Variants in DSCAML1 observed in about 807,000 individuals in gnomAD.
The protein encoded by DSCAML1 is DS cell adhesion molecule like 1, also known as cell adhesion molecule DSCAML1.
DSCAML1 carries 38 observed loss-of-function variants against 200.5 expected under a neutral mutation model. That is an observed-to-expected ratio of 0.19 (90% CI 0.15 to 0.25). The LOEUF (loss-of-function observed/expected upper bound fraction) is 0.25. Among genes scored for constraint, DSCAML1 ranks in the 10% least tolerant of loss-of-function variants. The pLI, the probability that DSCAML1 is intolerant of heterozygous loss-of-function variation, is 1.00. For missense variants in DSCAML1, 2,223 were observed against 2,858.8 expected, an observed-to-expected ratio of 0.78 and a Z score of 5.07; for synonymous variants, 1,215 against 1,165.0, an observed-to-expected ratio of 1.04 and a Z score of -0.87.
intron 3 of DSCAML1, among the ~76,000 whole-genome samples, chr11:117,683,350 C>A (rs928718612): frequency 1.3e-5 from 2 of 152,192 alleles, no homozygotes; most frequent in African/African-American, 4.8e-5. Context: ...CTGGACTGCA[C>A]GCCTCTAAGT....
intron 3 of DSCAML1, among the ~76,000 whole-genome samples, chr11:117,698,946 A>G (rs1373456734): frequency 1.3e-5 from 2 of 152,192 alleles, no homozygotes; most frequent in African/African-American, 4.8e-5. Flanking sequence ...CTTACGCACA[A>G]CACCGTACTC....
chr11:117,567,865 T>G (rs961753713), intron 3 of DSCAML1, among the ~76,000 whole-genome samples: 5 of 152,040 alleles, frequency 3.3e-5, no homozygotes, highest in Admixed American at 3.3e-4. Flanking sequence ...CCTCCCTAAC[T>G]CATTTTATGA....
rs768623591 is a variant in DSCAML1, at chr11:117,465,148, C to T, written c.3059G>A (p.Arg1020Gln). ...CTCTCTGTAGCCAATCTGGTAGCCC[C>T]GGATGACACCGTTCTGCAGCTCCTT... Reference protein sequence around the residue: ...PKKELQNGVIRGYQIGYRENS... With the variant: ...PKKELQNGVIQGYQIGYRENS... Residue 1020 changes from arginine to glutamine, a missense_variant, in exon 17 of 33, where the codon CGG becomes CAG. Arg to Gln is a conservative substitution (Grantham distance 43). This residue lies in a region of DSCAML1 where 438 missense variants were observed against 629.7 expected (regional missense o/e 0.70). Transcript: ENST00000651296. 23 of 1,613,842 alleles carry T rather than the reference C, an allele frequency of 1.4e-5. No homozygotes were observed. Among genetic ancestry groups the T allele is most frequent in the East Asian group, 4.5e-5 (2 of 44,882 alleles).
chr11:117,758,830 G>C (rs539602671), intron 3 of DSCAML1, among the ~76,000 whole-genome samples: 1 of 152,082 alleles, frequency 6.6e-6, no homozygotes, highest in Non-Finnish European at 1.5e-5. Flanking sequence ...CTACCTGCAC[G>C]AGCAGCATGT....
chr11:117,614,952 C>T (rs150463779), intron 3 of DSCAML1, among the ~76,000 whole-genome samples: 2 of 152,238 alleles, frequency 1.3e-5, no homozygotes, highest in East Asian at 1.9e-4. Context: ...CAGGGCAGGG[C>T]GGGGACCTCT....
chr11:117,727,711 A>G (rs2137810382), intron 3 of DSCAML1, among the ~76,000 whole-genome samples: 1 of 152,352 alleles, frequency 6.6e-6, no homozygotes, highest in Middle Eastern at 3.4e-3. Flanking sequence ...AGGAGAATAC[A>G]GCTAGTGTTA....
At chr11:117,698,887 T>C (rs909106037) in intron 3 of DSCAML1, among the ~76,000 whole-genome samples, 2 of 152,142 alleles carry the variant, frequency 1.3e-5, no homozygotes, top group African/African-American at 4.8e-5. Flanking sequence ...GAGAAGAAGG[T>C]ATTCCATTGC....
chr11:117,655,805 C>T (rs976451658), intron 3 of DSCAML1, among the ~76,000 whole-genome samples: 2 of 152,202 alleles, frequency 1.3e-5, no homozygotes, highest in African/African-American at 4.8e-5. Flanking sequence ...CGAAGGCAAG[C>T]CTGGTTGCTG....
Position 117,428,530 on chromosome 11 carries a change from G to A in DSCAML1, c.5960C>T (p.Ala1987Val), listed in dbSNP as rs1021902671. The A allele has an allele frequency of 5.3e-6, 8 of 1,505,704 alleles. No homozygotes were observed. Among genetic ancestry groups the A allele is most frequent in the Admixed American group, 2.0e-5 (1 of 49,990 alleles). 93.3% of individuals were successfully genotyped at this position (1,505,704 alleles called of 1,614,324 possible). A position where few individuals can be genotyped will look rare whatever the true frequency, so the allele number is the denominator to read the frequency against. ...PAPPAGTAPP[A>V]PGPTPAEPPT... ...TGGCTCAGCAGGGGTGGGGCCGGGG[G>A]CTGGGGGGGCTGTGCCGGCTGGGGG... The change falls in exon 33 of 33, where the codon GCC (alanine) becomes GTC (valine). Residue 1987 changes from alanine (A) to valine (V), a missense_variant. Around this residue, in one of 7 missense-constraint regions of DSCAML1, gnomAD observed 280 missense variants for 213.4 expected, o/e 1.31. Coordinates refer to ENST00000651296, the MANE Select transcript of DSCAML1 (RefSeq NM_020693.4).
intron 3 of DSCAML1, among the ~76,000 whole-genome samples, chr11:117,651,212 C>G (rs564784870): frequency 2.2e-4 from 33 of 152,366 alleles, no homozygotes; most frequent in Non-Finnish European, 3.2e-4. Context: ...GTCTGCAGCT[C>G]CAGCCTCAGC....
intron 27 of DSCAML1, among the ~76,000 whole-genome samples, chr11:117,434,318 C>T (rs979095546): frequency 5.3e-5 from 8 of 152,132 alleles, no homozygotes; most frequent in Admixed American, 3.9e-4. Context: ...ATCCATCCAC[C>T]CATTGATTCA....
rs987273682 is a variant in DSCAML1 at position 117,506,546 on chromosome 11, A to C, written c.1784-814T>G. Among the ~76,000 whole-genome samples the C allele has an allele frequency of 2.9e-5, 4 of 135,826 alleles. No individual in the cohort carries two copies. In the East Asian group the frequency reaches 8.3e-4, roughly 28 times the overall value. The allele number at this position is 135,826 out of a possible 152,430, so 89.1% of individuals were successfully genotyped here. A position where few individuals can be genotyped will look rare whatever the true frequency, so the allele number is the denominator to read the frequency against. On this transcript the variant is annotated intron_variant, in intron 8 of 32. Transcript: ENST00000651296. ...ATGCCCAGACAAGAGACAAGAGATAACTTTTTTTTTTTTTTTTTTTTTTTT... is the reference window on the plus strand; with the variant it reads ...ATGCCCAGACAAGAGACAAGAGATACCTTTTTTTTTTTTTTTTTTTTTTTT...
rs115942163 is a variant in DSCAML1, at chr11:117,533,579, G to A, written c.512-1057C>T. 8.8e-4 allele frequency among the ~76,000 whole-genome samples: 134 copies of A among 152,276 alleles called. 2 individuals are homozygous for A. The highest frequency in any genetic ancestry group is 3.1e-3 in the African/African-American group (128 of 41,554). On this transcript the variant is annotated intron_variant, in intron 3 of 32. Transcript: ENST00000651296. ...GCAAGGCAGTGAAGAGGACAGGCAC[G>A]GTGCTCTATGTCTCCTGCCACTGCC...
chr11:117,528,004 G>A (rs1365367358), intron 4 of DSCAML1, among the ~76,000 whole-genome samples: 1 of 152,214 alleles, frequency 6.6e-6, no homozygotes, highest in East Asian at 1.9e-4. Flanking sequence ...CTGCCCTGGT[G>A]GAGGTGATAA....
At chr11:117,582,409 TGA>T (rs1441094310) in intron 3 of DSCAML1, among the ~76,000 whole-genome samples, 1 of 152,210 alleles carries the variant, frequency 6.6e-6, no homozygotes, top group Non-Finnish European at 1.5e-5. Context: ...CTTGGCTGGT[TGA>T]GAGAGGGATA....
chr11:117,686,067 G>A (rs1370923644), intron 3 of DSCAML1, among the ~76,000 whole-genome samples: 1 of 152,190 alleles, frequency 6.6e-6, no homozygotes, highest in Non-Finnish European at 1.5e-5. Flanking sequence ...AAGAGAAGGT[G>A]AGATCCAGAA....
At chr11:117,547,330 T>C (rs1449973166) in intron 3 of DSCAML1, among the ~76,000 whole-genome samples, 1 of 152,154 alleles carries the variant, frequency 6.6e-6, no homozygotes, top group Non-Finnish European at 1.5e-5. Flanking sequence ...GAAAGCTACC[T>C]CCTTGCAACA....
chr11:117,578,391 C>T (rs1338833965), intron 3 of DSCAML1, among the ~76,000 whole-genome samples: 3 of 152,218 alleles, frequency 2.0e-5, no homozygotes, highest in East Asian at 3.9e-4. Flanking sequence ...TTGGTGTGGG[C>T]TGGGTGCAGA....
At chr11:117,580,044 G>A (rs1363661044) in intron 3 of DSCAML1, among the ~76,000 whole-genome samples, 1 of 152,164 alleles carries the variant, frequency 6.6e-6, no homozygotes, top group African/African-American at 2.4e-5. Flanking sequence ...CAGGGATTAT[G>A]CCTTACCCAT....
Sources: allele counts gnomAD v4.1 joint callset (sites outside exome capture counted in the v4.1 genomes callset), GRCh38; gene constraint gnomAD v4.1.1; regional missense constraint gnomAD v4.1.1; transcripts MANE v1.5; gene names NCBI Gene and HGNC (gene_info 2026-07-23, HGNC 2026-07-21).